Variants in VPS13D observed in about 807,000 individuals in gnomAD.
VPS13D encodes the protein intermembrane lipid transfer protein VPS13D.
A neutral mutation model predicts 461.9 loss-of-function variants in VPS13D; 187 were observed. The ratio of observed to expected loss-of-function variants is 0.40; its 90% CI spans 0.36 to 0.46. VPS13D has a LOEUF of 0.46. Among genes scored for constraint, VPS13D ranks in the 20% least tolerant of loss-of-function variants. The probability of loss-of-function intolerance (pLI) is 0.60; values close to 1 mark genes in which losing one functional copy is unlikely to be tolerated. For missense variants in VPS13D, 4,711 were observed against 5,364.9 expected, an observed-to-expected ratio of 0.88 and a Z score of 3.81; for synonymous variants, 1,951 against 1,986.3, an observed-to-expected ratio of 0.98 and a Z score of 0.47.
chr1:12,312,037 TGTCTGCAGAG>T, intron 29 of VPS13D, 112 bp downstream of exon 29: 3 of 853,026 alleles, frequency 3.5e-6, no homozygotes, highest in Non-Finnish European at 5.5e-6. Flanking sequence ...GATGGAATGT[TGTCTGCAGAG>T]TGTCTTTTGG....
At chr1:12,405,984 G>A (rs933278588) in intron 63 of VPS13D, among the ~76,000 whole-genome samples, 1 of 152,206 alleles carries the variant, frequency 6.6e-6, no homozygotes, top group African/African-American at 2.4e-5. Context: ...TGATGGTTGT[G>A]TGTGCGCTCG....
intron 53 of VPS13D, among the ~76,000 whole-genome samples, chr1:12,369,239 G>A (rs1262174955): frequency 2.0e-5 from 3 of 152,048 alleles, no homozygotes; most frequent in Admixed American, 6.6e-5. Flanking sequence ...CTGTGTGTGT[G>A]TGTGTGTGTG....
intron 26 of VPS13D, among the ~76,000 whole-genome samples, chr1:12,305,689 A>G (rs974997422): frequency 2.0e-5 from 3 of 152,194 alleles, no homozygotes; most frequent in African/African-American, 7.2e-5. Context: ...ATGAGCTGCA[A>G]AGATCAGTCC....
intron 65 of VPS13D, among the ~76,000 whole-genome samples, chr1:12,442,903 T>G (rs1645147887): frequency 6.6e-6 from 1 of 152,256 alleles, no homozygotes; most frequent in Non-Finnish European, 1.5e-5. Context: ...GTTTATTTCT[T>G]AAATTGAATT....
chr1:12,251,938 C>T (rs1640745943), intron 6 of VPS13D, among the ~76,000 whole-genome samples: 1 of 152,144 alleles, frequency 6.6e-6, no homozygotes, highest in Admixed American at 6.5e-5. Flanking sequence ...TGTGGCTGAT[C>T]AGTCCCTTCT....
chr1:12,313,877 T>C (rs1352621742), intron 29 of VPS13D, among the ~76,000 whole-genome samples: 1 of 152,202 alleles, frequency 6.6e-6, no homozygotes, highest in Non-Finnish European at 1.5e-5. Context: ...TCTCATGCCG[T>C]TCCTATGAAC....
intron 2 of VPS13D, among the ~76,000 whole-genome samples, chr1:12,237,711 C>T (rs1445372308): frequency 4.0e-5 from 6 of 151,488 alleles, no homozygotes; most frequent in African/African-American, 1.2e-4. Context: ...CCTGTGGTTC[C>T]AGCTACTTGG....
At chr1:12,234,459 G>T in intron 2 of VPS13D, 96 bp downstream of exon 2, 1 of 984,038 alleles carries the variant, frequency 1.0e-6, no homozygotes, top group Non-Finnish European at 1.5e-6. Flanking sequence ...CTAATGCCCA[G>T]ATGGCTTTGT....
rs1490271831 is a variant in VPS13D at position 12,244,635 on chromosome 1, T to C, written c.447+18T>C. 6.2e-7 allele frequency: 1 copy of C among 1,607,084 alleles called. No homozygotes were observed. The highest frequency in any genetic ancestry group is 2.2e-5 in the East Asian group (1 of 44,868). On this transcript the variant is annotated intron_variant, in intron 5 of 69. Coordinates refer to ENST00000620676, the MANE Select transcript of VPS13D (RefSeq NM_015378.4). ...ATATTGAAGTAAGTCCTGCTGACTT[T>C]TATAAAAGTATCAACGTGAAAGGGA... is the stretch of plus-strand genomic sequence containing the variant.
chr1:12,443,437 T>C lies in VPS13D; in HGVS notation c.12334-12561T>C, dbSNP rs116396725. Among the ~76,000 whole-genome samples, 800 of 152,350 alleles carry C rather than the reference T, an allele frequency of 5.3e-3. 4 individuals are homozygous for C. The highest frequency in any genetic ancestry group is 0.019 in the African/African-American group (774 of 41,582). On this transcript the variant is annotated intron_variant, in intron 65 of 69. Coordinates refer to ENST00000620676, the MANE Select transcript of VPS13D (RefSeq NM_015378.4). ...GCATGAACTGATGTTGTTACAAATA[T>C]TCTTGTTCATGTTTCCTGCAACACA...
rs17037975 is a variant in VPS13D at position 12,311,750 on chromosome 1, G to A, written c.6823-63G>A. 27,719 of 1,587,002 alleles carry A rather than the reference G, an allele frequency of 0.017. 358 individuals carry two copies. The highest frequency in any genetic ancestry group is 0.062 in the African/African-American group (4,569 of 74,030). ...CAACAAGCAAATTAGATTTCTTGGC[G>A]TATGAGCCTGTTTTTAGGATGGCAT... On this transcript the variant is annotated intron_variant, in intron 28 of 69. Coordinates refer to ENST00000620676, the MANE Select transcript of VPS13D (RefSeq NM_015378.4).
intron 62 of VPS13D, among the ~76,000 whole-genome samples, chr1:12,403,269 A>T (rs1166774526): frequency 6.6e-6 from 1 of 152,212 alleles, no homozygotes; most frequent in Non-Finnish European, 1.5e-5. Flanking sequence ...GGCAAGTAAA[A>T]AATCTGCCTT....
At chr1:12,430,673 T>A (rs1644980408) in intron 65 of VPS13D, among the ~76,000 whole-genome samples, 1 of 152,198 alleles carries the variant, frequency 6.6e-6, no homozygotes, top group Non-Finnish European at 1.5e-5. Context: ...CTAAGCCTTC[T>A]CAGAGGAGAG....
chr1:12,458,019 A>G (rs1645353144), intron 66 of VPS13D, among the ~76,000 whole-genome samples: 1 of 152,140 alleles, frequency 6.6e-6, no homozygotes, highest in African/African-American at 2.4e-5. Flanking sequence ...ACGTGGAGAG[A>G]GCATGGCTCT....
At position 12,276,799 on chromosome 1, in the gene VPS13D, A is replaced by G. The variant is rs1641628508; in HGVS notation, c.3211A>G (p.Ile1071Val). The change falls in exon 19 of 70, where the codon ATT becomes GTT. Residue 1071 changes from isoleucine (I) to valine (V), a missense_variant. Physicochemically the swap from Ile to Val is conservative, Grantham distance 29 (BLOSUM62 3). Transcript: ENST00000620676. This position sits in a 1 kb window ranked among gnomAD's most constrained non-coding sequence, Gnocchi z 4.5. ...RSATSVSLDK[I>V]LTKEQESLIK... ...AGCTACTAGTGTTTCACTTGACAAA[A>G]TTCTTACCAAAGAGCAAGAGTCCCT... The G allele has an allele frequency of 6.2e-7, 1 of 1,614,184 alleles. No individual in the cohort carries two copies. Among genetic ancestry groups the G allele is most frequent in the Non-Finnish European group, 8.5e-7 (1 of 1,180,030 alleles).
rs774319988 is a variant in VPS13D, at chr1:12,308,463, G to A, written c.6472G>A (p.Val2158Met). 6.8e-6 allele frequency: 11 copies of A among 1,613,882 alleles called. No homozygotes were observed. The highest frequency in any genetic ancestry group is 1.3e-5 in the African/African-American group (1 of 74,844). The change falls in exon 27 of 70, where the codon GTG becomes ATG. Residue 2158 changes from valine to methionine, a missense_variant. Transcript: ENST00000620676. ...DHVCLLDCVV[V>M]DLQDMDIFAA... ...TGTCTGCCTGCTGGATTGCGTTGTC[G>A]TGGATCTCCAGGACATGGACATCTT...
At chr1:12,397,441 G>A (rs944048966) in intron 60 of VPS13D, among the ~76,000 whole-genome samples, 3 of 152,224 alleles carry the variant, frequency 2.0e-5, no homozygotes, top group South Asian at 4.1e-4. Flanking sequence ...ACGACGCCTT[G>A]TGTCAGATGT....
intron 60 of VPS13D, among the ~76,000 whole-genome samples, chr1:12,393,765 C>T (rs752725540): frequency 3.3e-5 from 5 of 152,326 alleles, no homozygotes; most frequent in South Asian, 4.1e-4. Flanking sequence ...AGCCCTCACC[C>T]TACCAGTCAA....
intron 27 of VPS13D, 124 bp from the exon 28 acceptor site, chr1:12,311,330 G>A (rs557711127): frequency 4.2e-5 from 34 of 808,124 alleles, no homozygotes; most frequent in Middle Eastern, 3.9e-4. Flanking sequence ...TTTGTCATTG[G>A]AAGTAGGAAT....
Sources: gnomAD v4.1 joint callset for allele counts (sites outside exome capture counted in the v4.1 genomes callset) on GRCh38, gnomAD v4.1.1 for gene constraint, Gnocchi (gnomAD v3.1) non-coding constraint, MANE v1.5 for transcripts, NCBI Gene and HGNC (gene_info 2026-07-23, HGNC 2026-07-21) for gene names.